The following PRKAG2 variants were observed in gnomAD, a reference collection of about 807,000 sequenced individuals.
PRKAG2 encodes protein kinase AMP-activated non-catalytic subunit gamma 2, also known as 5'-AMP-activated protein kinase subunit gamma-2.
A neutral mutation model predicts 69.6 loss-of-function variants in PRKAG2; 26 were observed. The ratio of observed to expected loss-of-function variants is 0.37; its 90% CI spans 0.27 to 0.52. PRKAG2 has a LOEUF of 0.52. Among genes scored for constraint, PRKAG2 ranks in the 20% least tolerant of loss-of-function variants. The pLI, the probability that PRKAG2 is intolerant of heterozygous loss-of-function variation, is 0.90. For synonymous variants in PRKAG2, 293 were observed against 285.0 expected (o/e 1.03, Z -0.28); for missense variants, 557 against 740.0 (o/e 0.75, Z 2.87).
intron 1 of PRKAG2, among the ~76,000 whole-genome samples, chr7:151,812,482 G>C (rs4236433): frequency 0.36 from 54,156 of 152,166 alleles, 9,958 homozygotes; most frequent in South Asian, 0.56. Context: ...AAAATTAGAA[G>C]CCGCAGTTCC....
rs200867362 is a variant in PRKAG2, at chr7:151,658,807, G to A, written c.684+16613C>T. 1.1e-4 allele frequency among the ~76,000 whole-genome samples: 17 copies of A among 152,292 alleles called. No homozygotes were observed. In the East Asian group the frequency reaches 2.1e-3, roughly 19 times the overall value. On this transcript the variant is annotated intron_variant, in intron 4 of 15. Transcript: ENST00000287878. ...CAGGTTATTTCTGGTGTAGACAAACGAAAAGCCAGTTTCTATTATTTGACT... is the reference window on the plus strand; with the variant it reads ...CAGGTTATTTCTGGTGTAGACAAACAAAAAGCCAGTTTCTATTATTTGACT...
chr7:151,646,298 G>A (rs1827553114), intron 4 of PRKAG2, among the ~76,000 whole-genome samples: 1 of 152,192 alleles, frequency 6.6e-6, no homozygotes. Context: ...AGTATTAAGT[G>A]TTCCAATCCA....
intron 1 of PRKAG2, among the ~76,000 whole-genome samples, chr7:151,871,976 G>A (rs1000770662): frequency 6.6e-6 from 1 of 152,210 alleles, no homozygotes; most frequent in African/African-American, 2.4e-5. Context: ...TGTCTTTCAA[G>A]AGTTATTACT....
chr7:151,701,750 G>A (rs1342520408), intron 3 of PRKAG2, among the ~76,000 whole-genome samples: 2 of 151,900 alleles, frequency 1.3e-5, no homozygotes, highest in African/African-American at 4.9e-5. Context: ...GGCTGAGGCA[G>A]GAGAATGGCG....
At chr7:151,674,071 G>A (rs1173276817) in intron 4 of PRKAG2, among the ~76,000 whole-genome samples, 1 of 152,120 alleles carries the variant, frequency 6.6e-6, no homozygotes, top group East Asian at 1.9e-4. Context: ...TGGAACTCCT[G>A]GCCTCAAGTG....
intron 1 of PRKAG2, among the ~76,000 whole-genome samples, chr7:151,841,326 G>A (rs540396275): frequency 6.6e-6 from 1 of 152,250 alleles, no homozygotes; most frequent in East Asian, 1.9e-4. Context: ...TGATGGTAGT[G>A]ATGTTAGTGA....
intron 3 of PRKAG2, among the ~76,000 whole-genome samples, chr7:151,701,785 G>A (rs1454152739): frequency 6.7e-6 from 1 of 150,042 alleles, no homozygotes; most frequent in African/African-American, 2.5e-5. Context: ...GGGGGTTGCA[G>A]TGAGCCGAGA....
At chr7:151,721,844 T>C (rs1328302767) in intron 3 of PRKAG2, among the ~76,000 whole-genome samples, 1 of 152,146 alleles carries the variant, frequency 6.6e-6, no homozygotes, top group Non-Finnish European at 1.5e-5. Context: ...TTAGTTCCCA[T>C]GGTGACTCTG....
chr7:151,589,250 T>C (rs746049287), intron 6 of PRKAG2, among the ~76,000 whole-genome samples: 11 of 152,190 alleles, frequency 7.2e-5, no homozygotes, highest in Admixed American at 5.9e-4. Context: ...TTTTCCCATT[T>C]TGTGCAAAAT....
chr7:151,673,463 C>T (rs1228535986), intron 4 of PRKAG2, among the ~76,000 whole-genome samples: 1 of 152,148 alleles, frequency 6.6e-6, no homozygotes, highest in Admixed American at 6.5e-5. Flanking sequence ...CACTCATTAT[C>T]CCGGCGAAAC....
rs539222690 is a variant in PRKAG2, at chr7:151,842,758, G to A, written c.114+33749C>T. On this transcript the variant is annotated intron_variant, in intron 1 of 15. Coordinates refer to ENST00000287878, the MANE Select transcript of PRKAG2 (RefSeq NM_016203.4). ...TAGTAGTGATGGTAGGTAGTGATGGGTAGTGATGGTAGGTAGTGATAGTAA... is the reference window on the plus strand; with the variant it reads ...TAGTAGTGATGGTAGGTAGTGATGGATAGTGATGGTAGGTAGTGATAGTAA... 5.3e-5 allele frequency among the ~76,000 whole-genome samples: 8 copies of A among 151,884 alleles called. No individual in the cohort carries two copies. The East Asian group carries it at 1.4e-3, about 26-fold the overall frequency.
In PRKAG2 at chr7:151,876,703, G is replaced by T; in HGVS notation, c.-83C>A. 7.5e-7 allele frequency: 1 copy of T among 1,328,592 alleles called. No homozygotes were observed. The highest frequency in any genetic ancestry group is 1.1e-6 in the Non-Finnish European group (1 of 945,622). The allele number at this position is 1,328,592 out of a possible 1,614,324, so 82.3% of individuals were successfully genotyped here. A position where few individuals can be genotyped will look rare whatever the true frequency, so the allele number is the denominator to read the frequency against. On this transcript the variant is annotated 5_prime_UTR_variant, in exon 1 of 16. Coordinates refer to ENST00000287878, the MANE Select transcript of PRKAG2 (RefSeq NM_016203.4). ...CTCCCCCGGCCGCTGCCTTCGGACT[G>T]GAGCCGCGCGCTCTGTTACACCCTG... is the stretch of plus-strand genomic sequence containing the variant.
At chr7:151,710,740 T>G (rs547613954) in intron 3 of PRKAG2, among the ~76,000 whole-genome samples, 6 of 152,206 alleles carry the variant, frequency 3.9e-5, no homozygotes, top group Non-Finnish European at 8.8e-5. Flanking sequence ...GATACACACA[T>G]GGAGATGTCA....
intron 4 of PRKAG2, among the ~76,000 whole-genome samples, chr7:151,663,201 TA>T (rs1432472122): frequency 6.6e-6 from 1 of 152,204 alleles, no homozygotes; most frequent in Non-Finnish European, 1.5e-5. Context: ...AGCCCTTCCT[TA>T]CTCAAGGAGG....
chr7:151,848,646 T>G (rs1027005420), intron 1 of PRKAG2, among the ~76,000 whole-genome samples: 1 of 144,646 alleles, frequency 6.9e-6, no homozygotes, highest in Non-Finnish European at 1.5e-5. Flanking sequence ...TGCCTCAGCC[T>G]CCTGAGTAGC....
intron 3 of PRKAG2, among the ~76,000 whole-genome samples, chr7:151,707,163 T>G (rs1838766579): frequency 6.6e-6 from 1 of 152,182 alleles, no homozygotes. Flanking sequence ...AACTGGACCA[T>G]GTCATGAAAC....
intron 4 of PRKAG2, among the ~76,000 whole-genome samples, chr7:151,672,115 T>A (rs1258652180): frequency 6.7e-6 from 1 of 149,502 alleles, no homozygotes; most frequent in Non-Finnish European, 1.5e-5. Context: ...GAACTATTTT[T>A]TTTTGAGAAG....
At chr7:151,655,309 TA>T (rs1829240555) in intron 4 of PRKAG2, among the ~76,000 whole-genome samples, 1 of 152,134 alleles carries the variant, frequency 6.6e-6, no homozygotes, top group Non-Finnish European at 1.5e-5. Context: ...AATAGCCTAT[TA>T]GATATGAGCT....
chr7:151,766,729 A>G (rs781282399), intron 3 of PRKAG2, among the ~76,000 whole-genome samples: 5 of 152,220 alleles, frequency 3.3e-5, no homozygotes, highest in Non-Finnish European at 5.9e-5. Flanking sequence ...TTATCCGTCA[A>G]GGCCCGCTAA....
Sources: allele counts gnomAD v4.1 joint callset (sites outside exome capture counted in the v4.1 genomes callset), GRCh38; gene constraint gnomAD v4.1.1; transcripts MANE v1.5; gene names NCBI Gene and HGNC (gene_info 2026-07-23, HGNC 2026-07-21).